The following GTF2IRD1 variants were observed in gnomAD, a reference collection of about 807,000 sequenced individuals.
GTF2IRD1 encodes the protein GTF2I repeat domain containing 1.
In GTF2IRD1, 26 loss-of-function variants were observed where a neutral mutation model predicts 113.2. The observed-to-expected ratio is 0.23, with a 90% confidence interval of 0.17 to 0.32. The LOEUF (loss-of-function observed/expected upper bound fraction) is 0.32, where lower values mean the gene tolerates loss of function less well. Among genes scored for constraint, GTF2IRD1 ranks in the 10% least tolerant of loss-of-function variants. The probability of loss-of-function intolerance (pLI) is 1.00; values close to 1 mark genes in which losing one functional copy is unlikely to be tolerated. For synonymous variants in GTF2IRD1, 484 were observed against 529.1 expected, an observed-to-expected ratio of 0.91 and a Z score of 1.17; for missense variants, 864 against 1,280.8, an observed-to-expected ratio of 0.67 and a Z score of 4.97.
intron 4 of GTF2IRD1, among the ~76,000 whole-genome samples, chr7:74,517,426 C>CT (rs1797006176): frequency 1.0e-5 from 1 of 98,222 alleles, no homozygotes; most frequent in East Asian, 2.6e-4. Context: ...CCTCCCTACA[C>CT]CTTTTTTTTT....
chr7:74,526,543 G>A (rs1797606145), intron 8 of GTF2IRD1, among the ~76,000 whole-genome samples: 2 of 152,166 alleles, frequency 1.3e-5, no homozygotes, highest in East Asian at 1.9e-4. Context: ...AGGAAGTCTC[G>A]AGGACATGTC....
intron 22 of GTF2IRD1, among the ~76,000 whole-genome samples, chr7:74,580,238 C>T (rs1801331605): frequency 6.6e-6 from 1 of 152,194 alleles, no homozygotes; most frequent in Admixed American, 6.5e-5. Flanking sequence ...GAACTCTGCC[C>T]GGGCCTGGCA....
At chr7:74,581,224 G>A (rs782441846) in intron 22 of GTF2IRD1, among the ~76,000 whole-genome samples, 1 of 152,194 alleles carries the variant, frequency 6.6e-6, no homozygotes, top group Non-Finnish European at 1.5e-5. Flanking sequence ...GTTTCACCAT[G>A]TTGGCCAGGC....
intron 1 of GTF2IRD1, among the ~76,000 whole-genome samples, chr7:74,464,588 C>T (rs1562769480): frequency 1.3e-5 from 2 of 152,188 alleles, no homozygotes; most frequent in South Asian, 2.1e-4. Flanking sequence ...GCTGGGATTA[C>T]AGGCACCTGC....
At chr7:74,570,314 G>T (rs1300837941) in intron 22 of GTF2IRD1, among the ~76,000 whole-genome samples, 1 of 150,122 alleles carries the variant, frequency 6.7e-6, no homozygotes, top group African/African-American at 2.5e-5. Context: ...AATGAGCTGA[G>T]ATCACACCAC....
chr7:74,552,257 C>A (rs1799354271), intron 17 of GTF2IRD1, among the ~76,000 whole-genome samples: 1 of 152,130 alleles, frequency 6.6e-6, no homozygotes, highest in Non-Finnish European at 1.5e-5. Context: ...GTGGCTCACG[C>A]CTGTAATCCC....
intron 1 of GTF2IRD1, among the ~76,000 whole-genome samples, chr7:74,458,637 C>T (rs1426350739): frequency 1.4e-5 from 2 of 147,262 alleles, no homozygotes; most frequent in African/African-American, 2.6e-5. Flanking sequence ...AGGAAAGCCC[C>T]CTGGTCCATC....
intron 1 of GTF2IRD1, among the ~76,000 whole-genome samples, chr7:74,491,029 C>T (rs184955538): frequency 1.1e-4 from 16 of 152,186 alleles, no homozygotes; most frequent in Non-Finnish European, 1.8e-4. Context: ...AATTTCAGGC[C>T]GAGTGCGGTG....
At position 74,590,925 on chromosome 7, in the gene GTF2IRD1, C is replaced by T. The variant is rs1583974775; in HGVS notation, c.2499C>T (p.Pro833=). 1 of 1,613,706 alleles carries T rather than the reference C, an allele frequency of 6.2e-7. No individual in the cohort carries two copies. The highest frequency in any genetic ancestry group is 8.5e-7 in the Non-Finnish European group (1 of 1,179,808). Residue 833 remains proline (P), a synonymous_variant, in exon 24 of 27, where the codon CCC becomes CCT. Transcript: ENST00000424337. ...VEVTGLPDDI[P]FRNPNTYDIH... Reference sequence around the variant, plus strand: ...TCACGGGTCTGCCTGATGACATCCCCTTCCGGAACCCCAACACGTACGACA... The same window carrying T: ...TCACGGGTCTGCCTGATGACATCCCTTTCCGGAACCCCAACACGTACGACA...
chr7:74,533,955 G>A (rs1798128278), intron 9 of GTF2IRD1, among the ~76,000 whole-genome samples: 1 of 151,882 alleles, frequency 6.6e-6, no homozygotes, highest in Non-Finnish European at 1.5e-5. Context: ...CTTGAACCCA[G>A]GAGTTCAAGT....
intron 14 of GTF2IRD1, among the ~76,000 whole-genome samples, chr7:74,540,646 A>G (rs1554351472): frequency 6.6e-6 from 1 of 151,816 alleles, no homozygotes; most frequent in African/African-American, 2.4e-5. Context: ...ATAGATGGAT[A>G]GTACGCAAAT....
At chr7:74,580,142 C>G (rs587594663) in intron 22 of GTF2IRD1, among the ~76,000 whole-genome samples, 1 of 152,230 alleles carries the variant, frequency 6.6e-6, no homozygotes, top group Admixed American at 6.6e-5. Flanking sequence ...AAAAGCTGAA[C>G]CTGAATGTAG....
At chr7:74,537,993 C>T (rs1365907137) in intron 11 of GTF2IRD1, 143 bp from the exon 12 acceptor site, 9 of 730,580 alleles carry the variant, frequency 1.2e-5, no homozygotes, top group Non-Finnish European at 2.2e-5. Context: ...GGAGCACCAT[C>T]CTGGAGGGCC....
rs1267999825 is a variant in GTF2IRD1, at chr7:74,555,707, G to A, written c.2023+213G>A. 4.6e-5 allele frequency among the ~76,000 whole-genome samples: 7 copies of A among 152,144 alleles called. No individual in the cohort carries two copies. Among genetic ancestry groups the A allele is most frequent in the South Asian group, 2.1e-4 (1 of 4,828 alleles). On this transcript the variant is annotated intron_variant, in intron 19 of 26. Transcript: ENST00000424337. The surrounding 1 kb of genome is among the most constrained non-coding windows in gnomAD (Gnocchi z 5.3). ...GGAGAGGGGGTGCCTACAGGTGGAC[G>A]GTCGGGGGAGCCCAGGAGCCTGCCT...
chr7:74,597,409 G>A (rs116657731), intron 25 of GTF2IRD1, among the ~76,000 whole-genome samples: 11,067 of 146,014 alleles, frequency 0.076, 542 homozygotes, highest in East Asian at 0.22. Context: ...TCAATCTTGC[G>A]ATCTTGGCTC....
chr7:74,470,064 C>T (rs1397120097), intron 1 of GTF2IRD1, among the ~76,000 whole-genome samples: 1 of 152,078 alleles, frequency 6.6e-6, no homozygotes, highest in African/African-American at 2.4e-5. Flanking sequence ...GCGGTGCAGT[C>T]TTGGCTCACT....
chr7:74,512,856 C>T lies in GTF2IRD1; in HGVS notation c.150C>T (p.Ala50=), dbSNP rs1295161433. 9 of 1,613,968 alleles carry T rather than the reference C, an allele frequency of 5.6e-6. No homozygotes were observed. In the East Asian group the frequency reaches 6.7e-5, roughly 12 times the overall value. ...GCTCAGCGCTGTCCAAACTGAACGC[C>T]GAGGTGGCCTGTGTCGCCGTGCACG... The part of the protein sequence containing the change: ...SMCSALSKLN[A]EVACVAVHDE... Residue 50 remains alanine, a synonymous_variant, in exon 3 of 27, where the codon GCC becomes GCT. Transcript: ENST00000424337. This position sits in a 1 kb window ranked among gnomAD's most constrained non-coding sequence, Gnocchi z 4.4.
chr7:74,485,473 T>C (rs1238944612), intron 1 of GTF2IRD1, among the ~76,000 whole-genome samples: 1 of 151,904 alleles, frequency 6.6e-6, no homozygotes, highest in Non-Finnish European at 1.5e-5. Context: ...AAAAATTAGC[T>C]GGGCGTGGTG....
intron 1 of GTF2IRD1, among the ~76,000 whole-genome samples, chr7:74,455,165 C>T (rs759457700): frequency 2.6e-4 from 39 of 152,152 alleles, no homozygotes; most frequent in Non-Finnish European, 3.8e-4. Context: ...CCAGCTGAAG[C>T]GAGGGTGCTG....
Sources: allele counts gnomAD v4.1 joint callset (sites outside exome capture counted in the v4.1 genomes callset), GRCh38; gene constraint gnomAD v4.1.1; non-coding constraint Gnocchi (gnomAD v3.1); transcripts MANE v1.5; gene names NCBI Gene and HGNC (gene_info 2026-07-23, HGNC 2026-07-21).